Variants in HS3ST3B1 observed in about 807,000 individuals in gnomAD.
HS3ST3B1 encodes heparan sulfate glucosamine 3-O-sulfotransferase 3B1.
HS3ST3B1 carries 13 observed loss-of-function variants against 21.3 expected under a neutral mutation model. That is an observed-to-expected ratio of 0.61 (90% confidence interval 0.40 to 0.97). HS3ST3B1 has a LOEUF of 0.97. Among genes scored for constraint, HS3ST3B1 ranks in the 50% least tolerant of loss-of-function variants. HS3ST3B1 has a pLI of 0.00. For missense variants in HS3ST3B1, 459 were observed against 554.8 expected, an observed-to-expected ratio of 0.83 and a Z score of 1.73; for synonymous variants, 234 against 254.8, an observed-to-expected ratio of 0.92 and a Z score of 0.78.
intron 1 of HS3ST3B1, among the ~76,000 whole-genome samples, chr17:14,306,217 A>C (rs1369223795): frequency 1.8e-4 from 28 of 152,226 alleles, no homozygotes; most frequent in Admixed American, 1.8e-3. Flanking sequence ...GTTAATAACT[A>C]GAGTGAGGAT....
intron 1 of HS3ST3B1, among the ~76,000 whole-genome samples, chr17:14,308,286 G>A (rs1008154614): frequency 2.6e-5 from 4 of 152,188 alleles, no homozygotes; most frequent in African/African-American, 9.7e-5. Flanking sequence ...TGGCAGCCAA[G>A]AGGCTATGTG....
In HS3ST3B1 at chr17:14,302,020, GC is replaced by G; in HGVS notation, c.504del (p.Glu169SerfsTer19). On this transcript the variant is annotated frameshift_variant, in exon 1 of 2. Transcript: ENST00000360954. LOFTEE classifies it high-confidence loss of function. The stretch of plus-strand genomic sequence containing the variant: ...GCACCCCGACGTGCGCGCCGTGGGC[GC>G]CGAGCCCCATTTCTTCGATCGCAGC... ...RVHPDVRAVG[A>X]EPHFFDRSYD... The G allele has an allele frequency of 6.2e-7, 1 of 1,608,434 alleles. No homozygotes were observed. Among genetic ancestry groups the G allele is most frequent in the Non-Finnish European group, 8.5e-7 (1 of 1,179,174 alleles).
intron 1 of HS3ST3B1, chr17:14,304,918 A>G (rs893812796): frequency 2.6e-5 from 4 of 152,184 alleles, no homozygotes; most frequent in African/African-American, 9.7e-5. Flanking sequence ...TGAGTCGTTA[A>G]TGGGTTTAAT....
intron 1 of HS3ST3B1, among the ~76,000 whole-genome samples, chr17:14,322,557 G>A (rs994488740): frequency 2.6e-5 from 4 of 152,064 alleles, no homozygotes; most frequent in African/African-American, 4.8e-5. Flanking sequence ...GTATCTTTGC[G>A]ACTTCACAAA....
chr17:14,346,134 C>G lies in HS3ST3B1; in HGVS notation c.*488C>G, dbSNP rs991368618. The G allele has an allele frequency of 1.2e-5, 2 of 160,710 alleles. No individual in the cohort carries two copies. Among genetic ancestry groups the G allele is most frequent in the African/African-American group, 2.4e-5 (1 of 41,480 alleles). 10.0% of individuals were successfully genotyped at this position (160,710 alleles called of 1,614,324 possible). A position where few individuals can be genotyped will look rare whatever the true frequency, so the allele number is the denominator to read the frequency against. ...CAGCCTCCTTGCAGATGTGGTGTCC[C>G]GTCCAATGATGTAGCCTGAAAGCCA... On this transcript the variant is annotated 3_prime_UTR_variant, in exon 2 of 2. Transcript: ENST00000360954.
chr17:14,325,339 T>G (rs534373456), intron 1 of HS3ST3B1, among the ~76,000 whole-genome samples: 4 of 152,242 alleles, frequency 2.6e-5, no homozygotes, highest in African/African-American at 9.6e-5. Flanking sequence ...TTATTAATGA[T>G]GGAACCAGGC....
intron 1 of HS3ST3B1, among the ~76,000 whole-genome samples, chr17:14,333,947 G>A (rs1308938938): frequency 6.6e-6 from 1 of 152,192 alleles, no homozygotes. Flanking sequence ...ATTTTCAGTA[G>A]AGGGGTTTCT....
intron 1 of HS3ST3B1, among the ~76,000 whole-genome samples, chr17:14,344,616 C>T (rs1198354515): frequency 1.3e-5 from 2 of 152,134 alleles, no homozygotes; most frequent in Admixed American, 6.5e-5. Flanking sequence ...AGACTAGTGG[C>T]AGGACTCATG....
At position 14,345,643 on chromosome 17, in the gene HS3ST3B1, T is replaced by C; in HGVS notation, c.1170T>C (p.Asp390=). ...TGACCGGGCACGACTTTGGCTGGGA[T>C]TGAGCAGACCCGGGCTATGTACCTT... The part of the protein sequence containing the change: ...YQMTGHDFGW[D] The change falls in exon 2 of 2, where the codon GAT becomes GAC. Residue 390 remains aspartate (D), a synonymous_variant. Coordinates refer to ENST00000360954, the MANE Select transcript of HS3ST3B1 (RefSeq NM_006041.3). 1.9e-6 allele frequency: 3 copies of C among 1,613,908 alleles called. No homozygotes were observed. The highest frequency in any genetic ancestry group is 2.5e-6 in the Non-Finnish European group (3 of 1,179,826).
intron 1 of HS3ST3B1, among the ~76,000 whole-genome samples, chr17:14,322,273 A>C (rs372806751): frequency 6.6e-6 from 1 of 152,086 alleles, no homozygotes; most frequent in South Asian, 2.1e-4. Context: ...GCTTTGTTAC[A>C]TTGCCCAGTA....
chr17:14,308,660 A>C (rs992985416), intron 1 of HS3ST3B1, among the ~76,000 whole-genome samples: 5 of 152,214 alleles, frequency 3.3e-5, no homozygotes, highest in African/African-American at 1.2e-4. Flanking sequence ...TGTTGGAATA[A>C]GATATTTTTG....
Position 14,301,906 on chromosome 17 carries a change from A to T in HS3ST3B1, c.388A>T (p.Ser130Cys). The T allele has an allele frequency of 6.2e-7, 1 of 1,609,646 alleles. No individual in the cohort carries two copies. The highest frequency in any genetic ancestry group is 1.1e-5 in the South Asian group (1 of 90,150). Residue 130 changes from serine (S) to cysteine (C), a missense_variant, in exon 1 of 2, where the codon AGT becomes TGT. By Grantham distance (112) the Ser-to-Cys change is moderately radical (BLOSUM62 -1). Transcript: ENST00000360954. ...CCCAAGCCCCATCTCCAGCTTTTTC[A>T]GTGGGTCTGGGAGCAAGCAGCTGCC... ...DSPSPISSFF[S>C]GSGSKQLPQA...
chr17:14,318,187 C>T (rs879862127), intron 1 of HS3ST3B1, among the ~76,000 whole-genome samples: 13 of 152,178 alleles, frequency 8.5e-5, no homozygotes, highest in Non-Finnish European at 1.6e-4. Flanking sequence ...ACTCCCCGCT[C>T]GGCTCCCCAG....
chr17:14,338,006 G>A (rs1297346368), intron 1 of HS3ST3B1, among the ~76,000 whole-genome samples: 1 of 151,682 alleles, frequency 6.6e-6, no homozygotes, highest in East Asian at 1.9e-4. Flanking sequence ...CCATGTTGAA[G>A]CCCCACCCAT....
intron 1 of HS3ST3B1, among the ~76,000 whole-genome samples, chr17:14,307,370 C>G (rs914874933): frequency 2.0e-5 from 3 of 150,310 alleles, no homozygotes; most frequent in Non-Finnish European, 3.0e-5. Context: ...TTAAAATGAC[C>G]TGTCACAGCT....
At chr17:14,338,118 C>T (rs899724933) in intron 1 of HS3ST3B1, among the ~76,000 whole-genome samples, 1 of 151,756 alleles carries the variant, frequency 6.6e-6, no homozygotes, top group African/African-American at 2.4e-5. Flanking sequence ...AACTGAGTGC[C>T]ACAGAGGTGG....
At chr17:14,306,581 GA>G (rs1156750476) in intron 1 of HS3ST3B1, among the ~76,000 whole-genome samples, 1 of 152,164 alleles carries the variant, frequency 6.6e-6, no homozygotes. Context: ...TCTCTCTCTT[GA>G]AAGCTAATAG....
rs1397622659 is a variant in HS3ST3B1, at chr17:14,313,186, T to A, written c.554+11114T>A. Among the ~76,000 whole-genome samples the A allele has an allele frequency of 2.1e-5, 3 of 141,200 alleles. No homozygotes were observed. In the East Asian group the frequency reaches 7.0e-4, roughly 33 times the overall value. The allele number at this position is 141,200 out of a possible 152,430, so 92.6% of individuals were successfully genotyped here. A position where few individuals can be genotyped will look rare whatever the true frequency, so the allele number is the denominator to read the frequency against. On this transcript the variant is annotated intron_variant, in intron 1 of 1. Transcript: ENST00000360954. ...GGTTTCACCATATTGGCCAGGCTGG[T>A]CTCGAACTCCTGACCTTGTGATCCA...
intron 1 of HS3ST3B1, among the ~76,000 whole-genome samples, chr17:14,302,824 G>T (rs1252956148): frequency 6.6e-6 from 1 of 152,228 alleles, no homozygotes; most frequent in Non-Finnish European, 1.5e-5. Flanking sequence ...GCCCGTTTCC[G>T]CCTCCCTGCC....
Sources: gnomAD v4.1 joint callset for allele counts (sites outside exome capture counted in the v4.1 genomes callset) on GRCh38, gnomAD v4.1.1 for gene constraint, MANE v1.5 for transcripts, NCBI Gene and HGNC (gene_info 2026-07-23, HGNC 2026-07-21) for gene names.